Variants in ANKS1B observed in about 807,000 individuals in gnomAD.
ANKS1B encodes ankyrin repeat and sterile alpha motif domain-containing protein 1B.
A neutral mutation model predicts 148.3 loss-of-function variants in ANKS1B; 36 were observed. The ratio of observed to expected loss-of-function variants is 0.24; its 90% CI spans 0.19 to 0.32. ANKS1B has a LOEUF of 0.32. Among genes scored for constraint, ANKS1B ranks in the 10% least tolerant of loss-of-function variants. ANKS1B has a pLI of 1.00. For missense variants in ANKS1B, 1,157 were observed against 1,542.6 expected (o/e 0.75, Z 4.19); for synonymous variants, 542 against 560.8 (o/e 0.97, Z 0.47).
chr12:99,909,217 CGTGT>C (rs60264932), intron 1 of ANKS1B, among the ~76,000 whole-genome samples: 45,870 of 136,604 alleles, frequency 0.34, 7,845 homozygotes, highest in East Asian at 0.46. Context: ...AATATTCCAT[CGTGT>C]GTGTGTGTGT....
rs561717822 is a variant in ANKS1B, at chr12:99,078,509, C to T, written c.2625+6416G>A. Among the ~76,000 whole-genome samples the T allele has an allele frequency of 2.6e-5, 4 of 152,250 alleles. No individual in the cohort carries two copies. In the South Asian group the frequency reaches 8.3e-4, roughly 32 times the overall value. On this transcript the variant is annotated intron_variant, in intron 16 of 26. Transcript: ENST00000683438. ...TTATATCATGCTACATTATACCTAA[C>T]TCTACAGACCAGAGACATGTGCCTC...
intron 12 of ANKS1B, among the ~76,000 whole-genome samples, chr12:99,324,884 T>C (rs1010120160): frequency 2.0e-5 from 3 of 152,130 alleles, no homozygotes; most frequent in African/African-American, 7.2e-5. Flanking sequence ...CATTGAAATA[T>C]CCCTGCCTAG....
At chr12:99,566,883 T>A (rs1463028273) in intron 9 of ANKS1B, among the ~76,000 whole-genome samples, 1 of 152,240 alleles carries the variant, frequency 6.6e-6, no homozygotes. Flanking sequence ...TATCATGTTC[T>A]GCAAACATTT....
At chr12:98,894,704 G>A in intron 17 of ANKS1B, 7 of 985,724 alleles carry the variant, frequency 7.1e-6, no homozygotes, top group Non-Finnish European at 8.4e-6. Context: ...ACGCAGACAT[G>A]TGGCTTGAAC....
intron 1 of ANKS1B, among the ~76,000 whole-genome samples, chr12:99,942,698 T>C (rs1352445): frequency 0.61 from 92,287 of 151,898 alleles, 29,215 homozygotes; most frequent in African/African-American, 0.7. Flanking sequence ...TAAGTATTTA[T>C]TGAATGCCCA....
At chr12:99,277,716 G>T (rs550348179) in intron 12 of ANKS1B, among the ~76,000 whole-genome samples, 1 of 152,282 alleles carries the variant, frequency 6.6e-6, no homozygotes, top group Non-Finnish European at 1.5e-5. Flanking sequence ...ATGTGCTTTT[G>T]AACTGGTATG....
chr12:99,551,946 A>G (rs59202431), intron 9 of ANKS1B, among the ~76,000 whole-genome samples: 1 of 151,938 alleles, frequency 6.6e-6, no homozygotes, highest in Non-Finnish European at 1.5e-5. Flanking sequence ...ACCTCCCCCC[A>G]CCACACACAC....
chr12:99,313,738 C>A (rs562614718), intron 12 of ANKS1B, among the ~76,000 whole-genome samples: 17 of 152,252 alleles, frequency 1.1e-4, no homozygotes, highest in African/African-American at 3.9e-4. Context: ...TCAAAACTCT[C>A]AATAAACTAG....
At chr12:98,816,096 T>C (rs1014841927) in intron 19 of ANKS1B, among the ~76,000 whole-genome samples, 3 of 152,128 alleles carry the variant, frequency 2.0e-5, no homozygotes, top group East Asian at 1.9e-4. Flanking sequence ...TCTTGCCTCA[T>C]AGCCTCTGCA....
chr12:99,281,264 T>C (rs1457737440), intron 12 of ANKS1B, among the ~76,000 whole-genome samples: 1 of 152,250 alleles, frequency 6.6e-6, no homozygotes, highest in Non-Finnish European at 1.5e-5. Context: ...TGGTATTTAC[T>C]GTAGCATTTA....
At chr12:99,167,196 C>A (rs2077271547) in intron 14 of ANKS1B, among the ~76,000 whole-genome samples, 1 of 151,876 alleles carries the variant, frequency 6.6e-6, no homozygotes, top group Non-Finnish European at 1.5e-5. Flanking sequence ...AAAGTCTTAA[C>A]CTTACAGTAG....
At chr12:99,238,448 T>C (rs2088495295) in intron 14 of ANKS1B, among the ~76,000 whole-genome samples, 1 of 152,204 alleles carries the variant, frequency 6.6e-6, no homozygotes. Context: ...CAAGGCCTAC[T>C]GCCTCTCTAG....
In ANKS1B at chr12:99,544,400, T is replaced by C. The variant is rs540221454; in HGVS notation, c.1273-39759A>G. 2.4e-3 allele frequency among the ~76,000 whole-genome samples: 364 copies of C among 152,292 alleles called. 4 individuals carry two copies. The highest frequency in any genetic ancestry group is 8.6e-3 in the African/African-American group (356 of 41,588). ...AGTCTGACAGTCCCTACCCGGACTC[T>C]GGTTCCTATGCTTTATTATGTGCAG... On this transcript the variant is annotated intron_variant, in intron 9 of 26. Coordinates refer to ENST00000683438, the MANE Select transcript of ANKS1B (RefSeq NM_001352186.2).
chr12:99,096,011 T>A (rs2055959668), intron 15 of ANKS1B, among the ~76,000 whole-genome samples: 1 of 152,218 alleles, frequency 6.6e-6, no homozygotes, highest in African/African-American at 2.4e-5. Flanking sequence ...TAATTGAAGA[T>A]GACAGGTGTC....
intron 22 of ANKS1B, among the ~76,000 whole-genome samples, chr12:98,796,481 C>G (rs767980280): frequency 6.7e-6 from 1 of 148,380 alleles, no homozygotes; most frequent in Non-Finnish European, 1.5e-5. Flanking sequence ...GGGGTTCAAA[C>G]TGAAAATTAG....
intron 8 of ANKS1B, among the ~76,000 whole-genome samples, chr12:99,687,146 G>A (rs1321823433): frequency 2.6e-5 from 4 of 152,176 alleles, no homozygotes; most frequent in African/African-American, 7.2e-5. Flanking sequence ...GTGTTTTAAA[G>A]ATATCATTTC....
intron 10 of ANKS1B, among the ~76,000 whole-genome samples, chr12:99,478,868 T>G (rs2096367188): frequency 6.6e-6 from 1 of 152,106 alleles, no homozygotes; most frequent in Non-Finnish European, 1.5e-5. Flanking sequence ...CAGAGCATTC[T>G]TCAACAGAAA....
intron 4 of ANKS1B, among the ~76,000 whole-genome samples, chr12:99,793,757 C>G (rs907407819): frequency 5.3e-5 from 8 of 151,932 alleles, no homozygotes; most frequent in Non-Finnish European, 8.8e-5. Flanking sequence ...GGATATTGGT[C>G]TCGGCAAAGA....
Position 98,993,089 on chromosome 12 carries a change from A to G in ANKS1B, c.2778+60068T>C, listed in dbSNP as rs1032455640. Among the ~76,000 whole-genome samples, 4 of 152,218 alleles carry G rather than the reference A, an allele frequency of 2.6e-5. No individual in the cohort carries two copies. In the East Asian group the frequency reaches 5.8e-4, roughly 22 times the overall value. On this transcript the variant is annotated intron_variant, in intron 17 of 26. Transcript: ENST00000683438. Reference sequence around the variant, plus strand: ...ATATTTAAAGCATGAAATGCTCTGAATATCAATGAACCCAATCACATTTGG... The same window carrying G: ...ATATTTAAAGCATGAAATGCTCTGAGTATCAATGAACCCAATCACATTTGG...
Sources: gnomAD v4.1 joint callset for allele counts (sites outside exome capture counted in the v4.1 genomes callset) on GRCh38, gnomAD v4.1.1 for gene constraint, MANE v1.5 for transcripts, NCBI Gene and HGNC (gene_info 2026-07-23, HGNC 2026-07-21) for gene names.